Variants in KAZN observed in about 807,000 individuals in gnomAD.
KAZN encodes the protein kazrin, periplakin interacting protein.
A neutral mutation model predicts 87.4 loss-of-function variants in KAZN; 40 were observed. The observed-to-expected ratio is 0.46, with a 90% CI of 0.36 to 0.60. The LOEUF (loss-of-function observed/expected upper bound fraction) is 0.60. KAZN is among the 20% of genes least tolerant of loss of function. KAZN has a pLI of 0.00. For synonymous variants in KAZN, 466 were observed against 458.3 expected, an observed-to-expected ratio of 1.02 and a Z score of -0.22; for missense variants, 898 against 1,073.9, an observed-to-expected ratio of 0.84 and a Z score of 2.29.
At chr1:15,100,825 C>T (rs762128548) in intron 10 of KAZN, among the ~76,000 whole-genome samples, 3 of 152,242 alleles carry the variant, frequency 2.0e-5, no homozygotes, top group Admixed American at 6.5e-5. Context: ...TTGCCTTCTT[C>T]GCGCATGATT....
At chr1:14,446,196 A>AT (rs1666975492) in intron 2 of KAZN, among the ~76,000 whole-genome samples, 2 of 152,182 alleles carry the variant, frequency 1.3e-5, no homozygotes, top group Admixed American at 1.3e-4. Flanking sequence ...ACCCTGTCTC[A>AT]GAAAACAAAA....
At chr1:13,971,976 C>T (rs778399220) in intron 1 of KAZN, among the ~76,000 whole-genome samples, 7 of 152,180 alleles carry the variant, frequency 4.6e-5, no homozygotes, top group Non-Finnish European at 1.0e-4. Flanking sequence ...CCCGTACAGC[C>T]TGCAGAACCA....
At chr1:14,843,684 A>G (rs1648307710) in intron 1 of KAZN, among the ~76,000 whole-genome samples, 1 of 152,208 alleles carries the variant, frequency 6.6e-6, no homozygotes, top group Admixed American at 6.5e-5. Context: ...TACTCTTAAG[A>G]TATTTTAAAT....
intron 2 of KAZN, among the ~76,000 whole-genome samples, chr1:15,024,922 G>T (rs148021747): frequency 0.018 from 2,676 of 152,302 alleles, 39 homozygotes; most frequent in Non-Finnish European, 0.027. Context: ...TCTGTCAGGA[G>T]GCACAGGGAA....
intron 1 of KAZN, among the ~76,000 whole-genome samples, chr1:14,899,301 G>A (rs888513006): frequency 6.6e-6 from 1 of 152,182 alleles, no homozygotes; most frequent in Non-Finnish European, 1.5e-5. Flanking sequence ...TGTCCCCTCT[G>A]GGCCCTCATT....
intron 1 of KAZN, among the ~76,000 whole-genome samples, chr1:14,915,510 G>C (rs1301425222): frequency 2.0e-5 from 3 of 152,166 alleles, no homozygotes; most frequent in Non-Finnish European, 4.4e-5. Flanking sequence ...GTCCCACTTG[G>C]GGAAGAAGAA....
At position 14,190,299 on chromosome 1, in the gene KAZN, C is replaced by T. The variant is rs113976900; in HGVS notation, c.249+9707C>T. 6.6e-4 allele frequency among the ~76,000 whole-genome samples: 100 copies of T among 152,238 alleles called. 1 individual carries two copies. The highest frequency in any genetic ancestry group is 2.3e-3 in the African/African-American group (94 of 41,544). Reference sequence around the variant, plus strand: ...GAAAGATTATTGAGTACTTACTAGACGCCAAACACTCTGCTAAGGATTTTA... The same window carrying T: ...GAAAGATTATTGAGTACTTACTAGATGCCAAACACTCTGCTAAGGATTTTA... On this transcript the variant is annotated intron_variant, in intron 2 of 16. Coordinates refer to the KAZN transcript ENST00000636203.
At chr1:14,502,643 G>A (rs1213999096) in intron 2 of KAZN, among the ~76,000 whole-genome samples, 1 of 152,110 alleles carries the variant, frequency 6.6e-6, no homozygotes, top group African/African-American at 2.4e-5. Context: ...CTCTATTTTA[G>A]TTGAGGACTG....
intron 2 of KAZN, among the ~76,000 whole-genome samples, chr1:14,242,925 G>A (rs114186982): frequency 6.6e-5 from 10 of 152,238 alleles, no homozygotes; most frequent in East Asian, 1.9e-4. Context: ...GAAACAAAAC[G>A]TAAGAACAGG....
intron 2 of KAZN, among the ~76,000 whole-genome samples, chr1:14,557,666 G>T (rs201260195): frequency 9.3e-6 from 1 of 108,060 alleles, no homozygotes; most frequent in African/African-American, 3.7e-5. Context: ...GTGTGTGTGT[G>T]GTGTGTGAGA....
At chr1:15,093,032 A>C (rs1388767876) in intron 8 of KAZN, among the ~76,000 whole-genome samples, 2 of 152,120 alleles carry the variant, frequency 1.3e-5, no homozygotes, top group African/African-American at 4.8e-5. Flanking sequence ...CAGTTGCCCA[A>C]AGACGACTGC....
At chr1:14,432,669 G>T (rs1666140894) in intron 2 of KAZN, among the ~76,000 whole-genome samples, 1 of 151,952 alleles carries the variant, frequency 6.6e-6, no homozygotes, top group African/African-American at 2.4e-5. Context: ...CTGTCATCTA[G>T]GTTTTAAGCC....
At chr1:14,338,119 C>T (rs933353402) in intron 2 of KAZN, among the ~76,000 whole-genome samples, 3 of 152,074 alleles carry the variant, frequency 2.0e-5, no homozygotes, top group Non-Finnish European at 4.4e-5. Flanking sequence ...ATCAAAGAGA[C>T]CTGTCTCTCT....
At chr1:13,982,836 T>C (rs12031817) in intron 1 of KAZN, among the ~76,000 whole-genome samples, 20,847 of 149,852 alleles carry the variant, frequency 0.14, 1,563 homozygotes, top group Middle Eastern at 0.2. Flanking sequence ...GTGCTGATTA[T>C]AAACCTTGAG....
At chr1:14,866,729 A>G (rs1651501448) in intron 1 of KAZN, among the ~76,000 whole-genome samples, 1 of 149,756 alleles carries the variant, frequency 6.7e-6, no homozygotes, top group Non-Finnish European at 1.5e-5. Context: ...TGTGTCTCTT[A>G]AAAAAAAAAA....
intron 2 of KAZN, among the ~76,000 whole-genome samples, chr1:14,188,056 A>G (rs1646345771): frequency 6.6e-6 from 1 of 152,150 alleles, no homozygotes; most frequent in Non-Finnish European, 1.5e-5. Context: ...ATATGGGAGT[A>G]AACAGATAAC....
chr1:14,341,792 TTTG>T (rs1187471824), intron 2 of KAZN, among the ~76,000 whole-genome samples: 6 of 152,188 alleles, frequency 3.9e-5, no homozygotes, highest in African/African-American at 1.4e-4. Flanking sequence ...GCAAGCTGTT[TTTG>T]TTGTTGTTTT....
At chr1:15,007,065 AAAAAAAAAAAAAGAAAAAC>A (rs914327403) in intron 2 of KAZN, among the ~76,000 whole-genome samples, 1 of 150,166 alleles carries the variant, frequency 6.7e-6, no homozygotes, top group Admixed American at 6.6e-5. Flanking sequence ...TCAAAAAAAA[AAAAAAAAAAAAAGAAAAAC>A]AGAAAATTCC....
At chr1:14,931,901 C>A (rs897769921) in intron 1 of KAZN, among the ~76,000 whole-genome samples, 1 of 152,052 alleles carries the variant, frequency 6.6e-6, no homozygotes, top group African/African-American at 2.4e-5. Flanking sequence ...GCTTTTTTTC[C>A]TCTTTATGCC....
Sources: allele counts gnomAD v4.1 joint callset (sites outside exome capture counted in the v4.1 genomes callset), GRCh38; gene constraint gnomAD v4.1.1; transcripts MANE v1.5; gene names NCBI Gene and HGNC (gene_info 2026-07-23, HGNC 2026-07-21).